Variants in MAMDC2 observed in about 807,000 individuals in gnomAD.
The protein encoded by MAMDC2 is MAM domain containing 2, also known as MAM domain-containing protein 2.
In MAMDC2, 57 loss-of-function variants were observed where a neutral mutation model predicts 89.8. The observed-to-expected ratio is 0.63, with a 90% confidence interval of 0.51 to 0.79. The LOEUF is 0.79. MAMDC2 is among the 30% of genes least tolerant of loss of function. The pLI, the probability that MAMDC2 is intolerant of heterozygous loss-of-function variation, is 0.00. For synonymous variants in MAMDC2, 313 were observed against 293.4 expected (o/e 1.07, Z -0.68); for missense variants, 800 against 820.6 (o/e 0.97, Z 0.31).
At chr9:70,127,101 A>C (rs116153002) in intron 6 of MAMDC2, among the ~76,000 whole-genome samples, 2,587 of 152,346 alleles carry the variant, frequency 0.017, 77 homozygotes, top group African/African-American at 0.059. Context: ...CCTTTTTCTA[A>C]GCCCGTACAT....
intron 11 of MAMDC2, among the ~76,000 whole-genome samples, chr9:70,198,565 C>A (rs1200979336): frequency 6.6e-6 from 1 of 151,994 alleles, no homozygotes; most frequent in East Asian, 1.9e-4. Context: ...ACTGACTCCC[C>A]CAGTGAATAG....
intron 2 of MAMDC2, among the ~76,000 whole-genome samples, chr9:70,072,781 AAATT>A (rs1827438118): frequency 1.3e-5 from 2 of 152,220 alleles, no homozygotes; most frequent in African/African-American, 4.8e-5. Flanking sequence ...AGTACACTAA[AAATT>A]AAAGGCAAAA....
intron 11 of MAMDC2, among the ~76,000 whole-genome samples, chr9:70,209,373 T>C (rs1356649767): frequency 1.3e-5 from 2 of 152,158 alleles, no homozygotes; most frequent in African/African-American, 4.8e-5. Context: ...GCATATGTGT[T>C]GAGGAATTTA....
chr9:70,050,261 C>T (rs1434333597), intron 2 of MAMDC2, among the ~76,000 whole-genome samples: 2 of 152,146 alleles, frequency 1.3e-5, no homozygotes, highest in African/African-American at 2.4e-5. Flanking sequence ...AGCAGGTGCT[C>T]GATATATATT....
chr9:70,054,798 T>G lies in MAMDC2; in HGVS notation c.148+10101T>G, dbSNP rs559236353. Among the ~76,000 whole-genome samples the G allele has an allele frequency of 2.9e-4, 44 of 152,270 alleles. 1 individual carries two copies. The highest frequency in any genetic ancestry group is 1.1e-3 in the African/African-American group (44 of 41,548). ...CAAGTACCCTCCACTGAGTGGCTTG[T>G]GGGCACTGGAGTGTCGACTTCAAAT... On this transcript the variant is annotated intron_variant, in intron 2 of 13. Coordinates refer to ENST00000377182, the MANE Select transcript of MAMDC2 (RefSeq NM_153267.5).
At chr9:70,172,100 T>C (rs2032368560) in intron 11 of MAMDC2, 1 of 152,220 alleles carries the variant, frequency 6.6e-6, no homozygotes, top group South Asian at 2.1e-4. Flanking sequence ...CTTTTCCCCA[T>C]GCCTTGGCAA....
At chr9:70,175,410 C>T (rs1275260319) in intron 11 of MAMDC2, among the ~76,000 whole-genome samples, 1 of 152,098 alleles carries the variant, frequency 6.6e-6, no homozygotes, top group Non-Finnish European at 1.5e-5. Context: ...TTCTGAGTAG[C>T]CTGATAAAAC....
At chr9:70,189,796 G>A (rs1444193172) in intron 11 of MAMDC2, among the ~76,000 whole-genome samples, 1 of 149,692 alleles carries the variant, frequency 6.7e-6, no homozygotes, top group African/African-American at 2.5e-5. Context: ...TTTTCTTTAT[G>A]TTCTTCAGAT....
chr9:70,122,881 G>A (rs2030349325), intron 5 of MAMDC2, among the ~76,000 whole-genome samples: 1 of 152,170 alleles, frequency 6.6e-6, no homozygotes, highest in African/African-American at 2.4e-5. Flanking sequence ...AACCTGGGCC[G>A]ATGGGAGCTG....
chr9:70,215,682 C>A (rs1309486486), intron 11 of MAMDC2, among the ~76,000 whole-genome samples: 1 of 152,200 alleles, frequency 6.6e-6, no homozygotes, highest in Non-Finnish European at 1.5e-5. Context: ...TAACAGGCAA[C>A]CTGAAGTGAC....
At chr9:70,225,273 T>G (rs530052636) in intron 12 of MAMDC2, among the ~76,000 whole-genome samples, 3 of 152,340 alleles carry the variant, frequency 2.0e-5, no homozygotes, top group Admixed American at 2.0e-4. Context: ...TTCATCATTA[T>G]GCTTTTCTGT....
intron 11 of MAMDC2, among the ~76,000 whole-genome samples, chr9:70,211,298 A>G (rs897394279): frequency 3.9e-5 from 6 of 152,156 alleles, no homozygotes; most frequent in Non-Finnish European, 7.4e-5. Context: ...ACATAGTCCC[A>G]TATTTCTTGG....
At chr9:70,079,901 A>G (rs950398635) in intron 2 of MAMDC2, among the ~76,000 whole-genome samples, 7 of 152,138 alleles carry the variant, frequency 4.6e-5, no homozygotes, top group Admixed American at 6.5e-5. Context: ...GCAGTCGATT[A>G]AAACTGAATG....
chr9:70,168,595 C>A, intron 9 of MAMDC2, 107 bp from the exon 10 acceptor site: 1 of 748,520 alleles, frequency 1.3e-6, no homozygotes, highest in Non-Finnish European at 2.3e-6. Flanking sequence ...TGAAGAGCTG[C>A]TTGTAGTTTG....
At chr9:70,198,913 C>G (rs2118623454) in intron 11 of MAMDC2, among the ~76,000 whole-genome samples, 1 of 152,096 alleles carries the variant, frequency 6.6e-6, no homozygotes, top group African/African-American at 2.4e-5. Flanking sequence ...ATTTCAAGTC[C>G]CTGTCTTTTA....
intron 2 of MAMDC2, among the ~76,000 whole-genome samples, chr9:70,074,185 C>G (rs112373069): frequency 1.6e-4 from 24 of 152,164 alleles, no homozygotes; most frequent in African/African-American, 5.5e-4. Flanking sequence ...TCCTCATGGT[C>G]TCAGGCAGTG....
intron 7 of MAMDC2, among the ~76,000 whole-genome samples, chr9:70,138,034 T>G (rs1012605665): frequency 1.3e-5 from 2 of 152,154 alleles, no homozygotes; most frequent in African/African-American, 4.8e-5. Context: ...ATTAAGTAAT[T>G]TCTTACCTTC....
At chr9:70,170,767 C>T in intron 11 of MAMDC2, 136 bp downstream of exon 11, 1 of 773,834 alleles carries the variant, frequency 1.3e-6, no homozygotes, top group Non-Finnish European at 2.0e-6. Flanking sequence ...TCTACACACA[C>T]AGGATGATTT....
intron 11 of MAMDC2, among the ~76,000 whole-genome samples, chr9:70,177,961 C>G (rs58548696): frequency 0.018 from 2,780 of 152,272 alleles, 83 homozygotes; most frequent in African/African-American, 0.064. Flanking sequence ...CAGAAAACAT[C>G]TAAACTTTTT....
Sources: allele counts gnomAD v4.1 joint callset (sites outside exome capture counted in the v4.1 genomes callset), GRCh38; gene constraint gnomAD v4.1.1; transcripts MANE v1.5; gene names NCBI Gene and HGNC (gene_info 2026-07-23, HGNC 2026-07-21).